The following RYR2 variants were observed in gnomAD, a reference collection of about 807,000 sequenced individuals.
RYR2 encodes the protein ryanodine receptor 2, also known as cardiac muscle ryanodine receptor-calcium release channel.
A neutral mutation model predicts 601.1 loss-of-function variants in RYR2; 227 were observed. That is an observed-to-expected ratio of 0.38 (90% CI 0.34 to 0.42). The LOEUF is 0.42. Ranked by LOEUF, RYR2 falls within the 10% of genes least tolerant of loss-of-function variation. The pLI, the probability that RYR2 is intolerant of heterozygous loss-of-function variation, is 1.00. For synonymous variants in RYR2, 2,223 were observed against 2,175.1 expected, an observed-to-expected ratio of 1.02 and a Z score of -0.61; for missense variants, 4,646 against 6,156.5, an observed-to-expected ratio of 0.75 and a Z score of 8.21.
At chr1:237,695,590 T>TGATAAC (rs1471833374) in intron 63 of RYR2, among the ~76,000 whole-genome samples, 1 of 152,224 alleles carries the variant, frequency 6.6e-6, no homozygotes, top group Non-Finnish European at 1.5e-5. Context: ...TGGCCCTTCC[T>TGATAAC]GTTCTTCCTG....
chr1:237,222,019 C>T (rs546530337), intron 1 of RYR2, among the ~76,000 whole-genome samples: 1 of 152,104 alleles, frequency 6.6e-6, no homozygotes, highest in African/African-American at 2.4e-5. Flanking sequence ...GTTGGCAGGT[C>T]CTATGAAGAG....
chr1:237,816,745 G>A (rs1661885057), intron 100 of RYR2, among the ~76,000 whole-genome samples: 1 of 152,050 alleles, frequency 6.6e-6, no homozygotes, highest in Non-Finnish European at 1.5e-5. Context: ...AGTAAGAAAT[G>A]TGTGGTAAAA....
At chr1:237,609,659 C>T (rs1677602580) in intron 35 of RYR2, among the ~76,000 whole-genome samples, 1 of 152,108 alleles carries the variant, frequency 6.6e-6, no homozygotes, top group Non-Finnish European at 1.5e-5. Flanking sequence ...GCCATGGTGC[C>T]TAGCCCAGTC....
rs139037532 is a variant in RYR2 at position 237,650,826 on chromosome 1, C to A, written c.7734-585C>A. 4.0e-3 allele frequency among the ~76,000 whole-genome samples: 613 copies of A among 152,270 alleles called. 1 individual carries two copies. Among genetic ancestry groups the A allele is most frequent in the East Asian group, 0.021 (108 of 5,170 alleles). On this transcript the variant is annotated intron_variant, in intron 50 of 104. Coordinates refer to ENST00000366574, the MANE Select transcript of RYR2 (RefSeq NM_001035.3). ...GATGGCACTGAGGGAAGTGGAAAAT[C>A]AGAAGAGTAATTCTTTAACTTCCCT... is the stretch of plus-strand genomic sequence containing the variant.
intron 3 of RYR2, among the ~76,000 whole-genome samples, chr1:237,350,491 A>G (rs1302146764): frequency 1.4e-5 from 2 of 145,326 alleles, no homozygotes; most frequent in Non-Finnish European, 3.0e-5. Flanking sequence ...GAATAGCTTC[A>G]ATCCAGGAGG....
chr1:237,312,610 C>T (rs1326008153), intron 2 of RYR2, among the ~76,000 whole-genome samples: 1 of 152,094 alleles, frequency 6.6e-6, no homozygotes, highest in Admixed American at 6.6e-5. Flanking sequence ...TCTCATTATA[C>T]AAATATGTCA....
At chr1:237,317,570 G>A (rs539730833) in intron 2 of RYR2, among the ~76,000 whole-genome samples, 1 of 152,248 alleles carries the variant, frequency 6.6e-6, no homozygotes, top group African/African-American at 2.4e-5. Context: ...ATTAGGGCCA[G>A]TAGTTTTTTG....
intron 2 of RYR2, among the ~76,000 whole-genome samples, chr1:237,291,625 G>A (rs1303300629): frequency 2.0e-5 from 3 of 152,138 alleles, no homozygotes; most frequent in Non-Finnish European, 2.9e-5. Flanking sequence ...CTATCAATCC[G>A]TGAAAAGACA....
intron 1 of RYR2, among the ~76,000 whole-genome samples, chr1:237,072,713 G>A (rs186799318): frequency 1.3e-4 from 20 of 152,210 alleles, no homozygotes; most frequent in Non-Finnish European, 2.5e-4. Flanking sequence ...TCAGGAGGCC[G>A]AGGCAGGTGG....
intron 1 of RYR2, among the ~76,000 whole-genome samples, chr1:237,228,907 G>GA (rs957404031): frequency 1.3e-5 from 2 of 151,792 alleles, no homozygotes; most frequent in Non-Finnish European, 2.9e-5. Context: ...TGGGTGATGT[G>GA]AAAAAAAATA....
chr1:237,625,713 T>C lies in RYR2; in HGVS notation c.6075T>C (p.Ile2025=), dbSNP rs2148657637. 1 of 1,613,736 alleles carries C rather than the reference T, an allele frequency of 6.2e-7. No individual in the cohort carries two copies. Among genetic ancestry groups the C allele is most frequent in the Non-Finnish European group, 8.5e-7 (1 of 1,179,810 alleles). ...GSLDGNSDLT[I]RGRLLSLVEK... The stretch of plus-strand genomic sequence containing the variant: ...TGGATGGAAACAGTGATTTAACAAT[T>C]AGAGGGCGTCTGCTATCCCTGGTAG... The change falls in exon 40 of 105, where the codon ATT becomes ATC. Residue 2025 remains isoleucine (I), a synonymous_variant. Transcript: ENST00000366574.
At chr1:237,721,826 T>C (rs928292834) in intron 73 of RYR2, among the ~76,000 whole-genome samples, 1 of 152,176 alleles carries the variant, frequency 6.6e-6, no homozygotes, top group Admixed American at 6.5e-5. Context: ...GGCTGCTTTG[T>C]CCATTTTTAA....
rs529420482 is a variant in RYR2, at chr1:237,248,965, A to C, written c.49-21532A>C. Among the ~76,000 whole-genome samples, 10 of 152,138 alleles carry C rather than the reference A, an allele frequency of 6.6e-5. No homozygotes were observed. The East Asian group carries it at 1.9e-3, about 30-fold the overall frequency. ...GTTTTAGTAGAGACGGGGTTTCTCCATGTCAGTGAGGCTGGTCTTGAACTC... is the reference window on the plus strand; with the variant it reads ...GTTTTAGTAGAGACGGGGTTTCTCCCTGTCAGTGAGGCTGGTCTTGAACTC... On this transcript the variant is annotated intron_variant, in intron 1 of 104. Coordinates refer to ENST00000366574, the MANE Select transcript of RYR2 (RefSeq NM_001035.3).
chr1:237,521,970 T>C (rs1296774488), intron 24 of RYR2, among the ~76,000 whole-genome samples: 1 of 152,078 alleles, frequency 6.6e-6, no homozygotes, highest in African/African-American at 2.4e-5. Flanking sequence ...CTTCTTGGAA[T>C]GCTCTTTTCT....
At chr1:237,401,455 TC>T (rs1390069728) in intron 10 of RYR2, among the ~76,000 whole-genome samples, 1,829 of 152,252 alleles carry the variant, frequency 0.012, 46 homozygotes, top group African/African-American at 0.042. Context: ...CTAGAATGAC[TC>T]ACAGAACACA....
chr1:237,072,815 G>A (rs1010920832), intron 1 of RYR2, among the ~76,000 whole-genome samples: 1 of 152,010 alleles, frequency 6.6e-6, no homozygotes, highest in African/African-American at 2.4e-5. Flanking sequence ...AGGCGTGGTG[G>A]CAGTCACCTG....
chr1:237,556,150 C>T (rs1451797810), intron 27 of RYR2, among the ~76,000 whole-genome samples: 1 of 151,964 alleles, frequency 6.6e-6, no homozygotes, highest in African/African-American at 2.4e-5. Context: ...ATATTGCTAC[C>T]TTATGGGTAC....
intron 1 of RYR2, among the ~76,000 whole-genome samples, chr1:237,048,368 T>C (rs1318671253): frequency 1.3e-5 from 2 of 152,180 alleles, no homozygotes; most frequent in South Asian, 2.1e-4. Context: ...GATTTCGATG[T>C]GTTTCATACT....
intron 58 of RYR2, among the ~76,000 whole-genome samples, chr1:237,670,516 CAT>C (rs1684837861): frequency 6.6e-6 from 1 of 152,130 alleles, no homozygotes; most frequent in Admixed American, 6.5e-5. Flanking sequence ...GCAAATGAGT[CAT>C]AGAGTTTTGT....
Sources: allele counts gnomAD v4.1 joint callset (sites outside exome capture counted in the v4.1 genomes callset), GRCh38; gene constraint gnomAD v4.1.1; transcripts MANE v1.5; gene names NCBI Gene and HGNC (gene_info 2026-07-23, HGNC 2026-07-21).